TBC1D22A: variants seen among roughly 807,000 people sequenced by gnomAD.
The protein encoded by TBC1D22A is putative GTPase activator.
A neutral mutation model predicts 60.2 loss-of-function variants in TBC1D22A; 38 were observed. The ratio of observed to expected loss-of-function variants is 0.63; its 90% CI spans 0.49 to 0.83. TBC1D22A has a LOEUF of 0.83. TBC1D22A is among the 40% of genes least tolerant of loss of function. The pLI is 0.00. For synonymous variants in TBC1D22A, 302 were observed against 281.7 expected (o/e 1.07, Z -0.72); for missense variants, 628 against 701.0 (o/e 0.90, Z 1.18).
chr22:47,091,475 GCT>G (rs2064971175), intron 11 of TBC1D22A, among the ~76,000 whole-genome samples: 31 of 117,912 alleles, frequency 2.6e-4, no homozygotes, highest in South Asian at 9.6e-4. Context: ...AGTCGTCTTT[GCT>G]GGGGAGTGGC....
At chr22:47,157,148 C>T (rs2067754533) in intron 12 of TBC1D22A, among the ~76,000 whole-genome samples, 1 of 152,208 alleles carries the variant, frequency 6.6e-6, no homozygotes. Context: ...TGCAGTGCTC[C>T]TGTGTTGGCT....
intron 12 of TBC1D22A, among the ~76,000 whole-genome samples, chr22:47,154,453 C>T (rs116060000): frequency 0.031 from 4,788 of 152,248 alleles, 219 homozygotes; most frequent in African/African-American, 0.11. Context: ...CTTGAAATTA[C>T]GACTCTTTGA....
rs1569300921 is a variant in TBC1D22A, at chr22:46,981,163, G to C, written c.1125+6764G>C. Among the ~76,000 whole-genome samples the C allele has an allele frequency of 2.0e-5, 3 of 152,240 alleles. No individual in the cohort carries two copies. In the South Asian group the frequency reaches 6.2e-4, roughly 32 times the overall value. ...CTAGAGACAAAGAGTATCACTGCCA[G>C]TGGATACATTTACCAGGGAAGAGTT... On this transcript the variant is annotated intron_variant, in intron 9 of 12. Coordinates refer to ENST00000337137, the MANE Select transcript of TBC1D22A (RefSeq NM_014346.5).
chr22:46,960,624 C>T (rs1468069887), intron 8 of TBC1D22A, among the ~76,000 whole-genome samples: 1 of 152,174 alleles, frequency 6.6e-6, no homozygotes, highest in African/African-American at 2.4e-5. Context: ...GCCACTACCA[C>T]ACAGGCATAG....
chr22:46,842,572 G>A (rs1474518721), intron 4 of TBC1D22A, among the ~76,000 whole-genome samples: 2 of 152,164 alleles, frequency 1.3e-5, no homozygotes, highest in Non-Finnish European at 2.9e-5. Context: ...CTTGATTTAG[G>A]GTTTTCGTGG....
chr22:47,036,389 C>CG (rs892563051), intron 10 of TBC1D22A, among the ~76,000 whole-genome samples: 54 of 152,254 alleles, frequency 3.5e-4, no homozygotes, highest in African/African-American at 1.3e-3. Context: ...GCAGGGAGCA[C>CG]GGGGTCTGAG....
chr22:46,907,574 T>G (rs566980953), intron 7 of TBC1D22A, among the ~76,000 whole-genome samples: 13 of 152,238 alleles, frequency 8.5e-5, no homozygotes, highest in Non-Finnish European at 1.3e-4. Context: ...AGGGAGCAGC[T>G]GCGCCATCCT....
At position 46,891,233 on chromosome 22, in the gene TBC1D22A, A is replaced by G. The variant is rs199731214; in HGVS notation, c.709-33A>G. On this transcript the variant is annotated intron_variant, in intron 5 of 12. Transcript: ENST00000337137. Reference sequence around the variant, plus strand: ...ATAGGGACTCCATGAATTAGCTATAACCATGTATATTTTTTGTTTATTTCT... The same window carrying G: ...ATAGGGACTCCATGAATTAGCTATAGCCATGTATATTTTTTGTTTATTTCT... 4 of 1,587,084 alleles carry G rather than the reference A, an allele frequency of 2.5e-6. No homozygotes were observed. The Admixed American group carries it at 5.5e-5, about 22-fold the overall frequency.
chr22:47,068,794 T>C (rs1011991605), intron 11 of TBC1D22A, among the ~76,000 whole-genome samples: 1 of 152,202 alleles, frequency 6.6e-6, no homozygotes, highest in East Asian at 1.9e-4. Context: ...GGGTGCAGAT[T>C]GTGGTAGAAC....
chr22:46,826,001 G>T (rs1484870628), intron 4 of TBC1D22A, among the ~76,000 whole-genome samples: 1 of 151,486 alleles, frequency 6.6e-6, no homozygotes, highest in African/African-American at 2.4e-5. Context: ...TCCTGCCTCA[G>T]CCTCCCGAGT....
chr22:46,896,755 G>A (rs995314076), intron 7 of TBC1D22A, among the ~76,000 whole-genome samples: 3 of 152,136 alleles, frequency 2.0e-5, no homozygotes, highest in Admixed American at 6.5e-5. Flanking sequence ...CCTGGTGGGG[G>A]TGCACACCGC....
intron 3 of TBC1D22A, among the ~76,000 whole-genome samples, chr22:46,794,852 C>T (rs1447882004): frequency 1.3e-5 from 2 of 152,142 alleles, no homozygotes; most frequent in African/African-American, 4.8e-5. Flanking sequence ...GCTGGATTGG[C>T]CACTGGCCCT....
At chr22:47,161,087 C>T (rs990431207) in intron 12 of TBC1D22A, among the ~76,000 whole-genome samples, 1 of 152,342 alleles carries the variant, frequency 6.6e-6, no homozygotes, top group African/African-American at 2.4e-5. Context: ...GCCCTGGGGA[C>T]ACCAGGTGAC....
At chr22:47,056,850 C>T (rs1326034533) in intron 11 of TBC1D22A, among the ~76,000 whole-genome samples, 5 of 152,184 alleles carry the variant, frequency 3.3e-5, no homozygotes, top group Admixed American at 6.5e-5. Context: ...GCATTTTACC[C>T]GGGGAAGCTG....
chr22:47,099,685 T>G (rs1419959303), intron 11 of TBC1D22A, among the ~76,000 whole-genome samples: 1 of 151,936 alleles, frequency 6.6e-6, no homozygotes. Context: ...CCTCAGGTGG[T>G]CCACCTGCCT....
At chr22:46,930,910 A>T (rs2071322075) in intron 8 of TBC1D22A, among the ~76,000 whole-genome samples, 1 of 152,166 alleles carries the variant, frequency 6.6e-6, no homozygotes, top group African/African-American at 2.4e-5. Context: ...CTAAATTTAC[A>T]GTTTGATTAA....
In TBC1D22A at chr22:46,915,277, G is replaced by T. The variant is rs545888266; in HGVS notation, c.1015+3089G>T. On this transcript the variant is annotated intron_variant, in intron 8 of 12. Transcript: ENST00000337137. ...GGGTCCAGCACCGGCAGAGGCACGG[G>T]TGCCCTCCAGAGAGGCTATTCTGGT... 5.7e-4 allele frequency: 228 copies of T among 399,222 alleles called. 2 individuals carry two copies. The highest frequency in any genetic ancestry group is 4.1e-3 in the South Asian group (224 of 54,816). The allele number at this position is 399,222 out of a possible 1,614,324, so 24.7% of individuals were successfully genotyped here. A position where few individuals can be genotyped will look rare whatever the true frequency, so the allele number is the denominator to read the frequency against.
At chr22:46,835,614 A>G (rs968869363) in intron 4 of TBC1D22A, among the ~76,000 whole-genome samples, 5 of 152,336 alleles carry the variant, frequency 3.3e-5, no homozygotes, top group East Asian at 1.9e-4. Flanking sequence ...GCAAAGCCAT[A>G]TACGCATTAT....
At chr22:46,806,495 A>T (rs575832945) in intron 4 of TBC1D22A, among the ~76,000 whole-genome samples, 1 of 150,338 alleles carries the variant, frequency 6.7e-6, no homozygotes, top group Admixed American at 6.6e-5. Flanking sequence ...TTTAAAAAAT[A>T]TTTAAAAATT....
Sources: gnomAD v4.1 joint callset for allele counts (sites outside exome capture counted in the v4.1 genomes callset) on GRCh38, gnomAD v4.1.1 for gene constraint, MANE v1.5 for transcripts, NCBI Gene and HGNC (gene_info 2026-07-23, HGNC 2026-07-21) for gene names.